The following MOK variants were observed in gnomAD, a reference collection of about 807,000 sequenced individuals.
MOK encodes the protein MAPK/MAK/MRK overlapping kinase.
In MOK, 59 loss-of-function variants were observed where a neutral mutation model predicts 54.2. The observed-to-expected ratio is 1.09, with a 90% CI of 0.88 to 1.35. MOK has a LOEUF of 1.35. MOK is among the 40% of genes most tolerant of loss of function. The pLI is 0.00. For synonymous variants in MOK, 210 were observed against 202.7 expected, an observed-to-expected ratio of 1.04 and a Z score of -0.31; for missense variants, 517 against 526.2, an observed-to-expected ratio of 0.98 and a Z score of 0.17.
intron 7 of MOK, among the ~76,000 whole-genome samples, chr14:102,243,979 C>T (rs981275395): frequency 5.9e-5 from 9 of 152,194 alleles, no homozygotes; most frequent in African/African-American, 1.9e-4. Context: ...AAAGGAACTA[C>T]GCATCAATAT....
intron 2 of MOK, among the ~76,000 whole-genome samples, chr14:102,277,737 T>C (rs1178090131): frequency 6.6e-6 from 1 of 152,004 alleles, no homozygotes; most frequent in Non-Finnish European, 1.5e-5. Context: ...GGGATGGCAG[T>C]GGGAAACTGA....
chr14:102,284,020 C>G (rs1196173479), intron 1 of MOK, among the ~76,000 whole-genome samples: 3 of 152,278 alleles, frequency 2.0e-5, no homozygotes, highest in Middle Eastern at 3.4e-3. Flanking sequence ...CCCAGCTGAT[C>G]CGCAACAGTT....
At chr14:102,239,351 T>C (rs2065493979) in intron 7 of MOK, among the ~76,000 whole-genome samples, 1 of 126,476 alleles carries the variant, frequency 7.9e-6, no homozygotes, top group Admixed American at 7.5e-5. Flanking sequence ...CCTCAGCCCA[T>C]TTGAATTAAT....
intron 7 of MOK, among the ~76,000 whole-genome samples, chr14:102,239,322 G>A (rs573132396): frequency 6.9e-6 from 1 of 145,096 alleles, no homozygotes; most frequent in Admixed American, 6.8e-5. Flanking sequence ...GTCAGAGCCA[G>A]CCCAAAGGCA....
rs116707420 is a variant in MOK, at chr14:102,239,480, G to A, written c.591-5691C>T. Among the ~76,000 whole-genome samples the A allele has an allele frequency of 8.6e-3, 1,102 of 128,168 alleles. 13 individuals carry two copies. Among genetic ancestry groups the A allele is most frequent in the African/African-American group, 0.026 (1,036 of 39,724 alleles). The allele number at this position is 128,168 out of a possible 152,430, so 84.1% of individuals were successfully genotyped here. A position where few individuals can be genotyped will look rare whatever the true frequency, so the allele number is the denominator to read the frequency against. On this transcript the variant is annotated intron_variant, in intron 7 of 11. Coordinates refer to ENST00000361847, the MANE Select transcript of MOK (RefSeq NM_014226.3). ...TACCTCCCAGCACTCTCCCTCATCC[G>A]CCATCTCCTCTGCAAACAGGCACAC...
intron 4 of MOK, among the ~76,000 whole-genome samples, chr14:102,252,350 G>A (rs2066599949): frequency 6.6e-6 from 1 of 151,940 alleles, no homozygotes; most frequent in South Asian, 2.1e-4. Flanking sequence ...AGCTACTTGG[G>A]AGGCTGAGGC....
At chr14:102,220,993 C>G (rs375048093), downstream of MOK, among the ~76,000 whole-genome samples, 5 of 152,216 alleles carry the variant, frequency 3.3e-5, no homozygotes, top group Admixed American at 1.3e-4. This position sits in a 1 kb window ranked among gnomAD's most constrained non-coding sequence, Gnocchi z 4.2. Context: ...TCTCAGACTC[C>G]TGGGCTCAAG....
At chr14:102,297,778 T>G (rs1478098594) in intron 1 of MOK, among the ~76,000 whole-genome samples, 1 of 152,060 alleles carries the variant, frequency 6.6e-6, no homozygotes, top group African/African-American at 2.4e-5. Context: ...CCGCACTAGG[T>G]GCGGCCAGCT....
intron 1 of MOK, among the ~76,000 whole-genome samples, chr14:102,303,338 G>A (rs2072452745): frequency 6.6e-6 from 1 of 152,196 alleles, no homozygotes; most frequent in Non-Finnish European, 1.5e-5. Context: ...AGCTAATCAT[G>A]AGGCGAAAAT....
chr14:102,288,919 T>C (rs954673672), intron 1 of MOK, among the ~76,000 whole-genome samples: 2 of 152,168 alleles, frequency 1.3e-5, no homozygotes, highest in Admixed American at 6.6e-5. Context: ...TTGTTTTGTT[T>C]TGAGACAGGG....
intron 7 of MOK, among the ~76,000 whole-genome samples, chr14:102,248,521 G>C (rs1352969958): frequency 1.3e-5 from 2 of 152,150 alleles, no homozygotes; most frequent in Non-Finnish European, 2.9e-5. Flanking sequence ...GCTCACGCCT[G>C]TGATCCCAGC....
chr14:102,254,583 A>AC (rs1300502321), intron 4 of MOK, among the ~76,000 whole-genome samples: 1 of 151,664 alleles, frequency 6.6e-6, no homozygotes, highest in East Asian at 1.9e-4. Context: ...GGCACTCAAG[A>AC]CCCCCTTCAA....
intron 1 of MOK, among the ~76,000 whole-genome samples, chr14:102,303,287 C>G (rs2072446967): frequency 6.6e-6 from 1 of 152,180 alleles, no homozygotes; most frequent in Non-Finnish European, 1.5e-5. Context: ...AGAGACACAA[C>G]GTTGCCTCTC....
rs946834048 is a variant in MOK at position 102,236,328 on chromosome 14, C to T, written c.591-2539G>A. ...ATCTCTTTTTAAATTGATAGCGGGGCCACCTACTCAGCTTTGCCTGAATTT... is the reference window on the plus strand; with the variant it reads ...ATCTCTTTTTAAATTGATAGCGGGGTCACCTACTCAGCTTTGCCTGAATTT... On this transcript the variant is annotated intron_variant, in intron 7 of 11. Coordinates refer to ENST00000361847, the MANE Select transcript of MOK (RefSeq NM_014226.3). This position sits in a 1 kb window ranked among gnomAD's most constrained non-coding sequence, Gnocchi z 4.5. Among the ~76,000 whole-genome samples, 1 of 152,220 alleles carries T rather than the reference C, an allele frequency of 6.6e-6. No individual in the cohort carries two copies. The highest frequency in any genetic ancestry group is 2.4e-5 in the African/African-American group (1 of 41,452).
chr14:102,232,755 C>A lies in MOK; in HGVS notation c.693-47G>T, dbSNP rs781623642. 2.6e-6 allele frequency: 4 copies of A among 1,547,280 alleles called. No individual in the cohort carries two copies. Among genetic ancestry groups the A allele is most frequent in the Non-Finnish European group, 1.8e-6 (2 of 1,131,084 alleles). On this transcript the variant is annotated intron_variant, in intron 8 of 11. Coordinates refer to ENST00000361847, the MANE Select transcript of MOK (RefSeq NM_014226.3). The surrounding 1 kb of genome is among the most constrained non-coding windows in gnomAD (Gnocchi z 5.1). ...AATAAATGGTCATGCTGTCACTGAG[C>A]GCACCGGTGGTCCACTGTCACAACT...
chr14:102,277,925 C>T (rs1200280195), intron 2 of MOK, among the ~76,000 whole-genome samples: 4 of 152,102 alleles, frequency 2.6e-5, no homozygotes, highest in Non-Finnish European at 5.9e-5. Flanking sequence ...AAAATTCATA[C>T]GTTGAAACCC....
In MOK at chr14:102,251,816, A is replaced by G; in HGVS notation, c.363-12T>C. On this transcript the variant is annotated splice_polypyrimidine_tract_variant and intron_variant, in intron 5 of 11. Coordinates refer to ENST00000361847, the MANE Select transcript of MOK (RefSeq NM_014226.3). ...GAAATATTCCATTTCTGCATTCAGT[A>G]TAAAGGAAAAATAGAATTACACTTC... is the stretch of plus-strand genomic sequence containing the variant. 6.4e-7 allele frequency: 1 copy of G among 1,560,098 alleles called. No individual in the cohort carries two copies. The highest frequency in any genetic ancestry group is 8.8e-7 in the Non-Finnish European group (1 of 1,134,040).
chr14:102,275,866 A>G (rs1331521983), intron 2 of MOK, among the ~76,000 whole-genome samples: 1 of 152,140 alleles, frequency 6.6e-6, no homozygotes, highest in Non-Finnish European at 1.5e-5. Flanking sequence ...TATATAAAGA[A>G]CTCCTAAATT....
intron 2 of MOK, among the ~76,000 whole-genome samples, chr14:102,276,152 T>C (rs1026265669): frequency 6.6e-6 from 1 of 152,154 alleles, no homozygotes; most frequent in Admixed American, 6.6e-5. Flanking sequence ...GGTGGGAATA[T>C]GGAGCAACTG....
Sources: allele counts gnomAD v4.1 joint callset (sites outside exome capture counted in the v4.1 genomes callset), GRCh38; gene constraint gnomAD v4.1.1; non-coding constraint Gnocchi (gnomAD v3.1); transcripts MANE v1.5; gene names NCBI Gene and HGNC (gene_info 2026-07-23, HGNC 2026-07-21).